The following SH3RF3 variants were observed in gnomAD, a reference collection of about 807,000 sequenced individuals.
SH3RF3 encodes the protein E3 ubiquitin-protein ligase SH3RF3.
A neutral mutation model predicts 66.3 loss-of-function variants in SH3RF3; 29 were observed. That is an observed-to-expected ratio of 0.44 (90% CI 0.33 to 0.60). The LOEUF is 0.60. Ranked by LOEUF, SH3RF3 falls within the 20% of genes least tolerant of loss-of-function variation. The pLI, the probability that SH3RF3 is intolerant of heterozygous loss-of-function variation, is 0.04. For synonymous variants in SH3RF3, 583 were observed against 532.0 expected, an observed-to-expected ratio of 1.10 and a Z score of -1.32; for missense variants, 1,194 against 1,190.9, an observed-to-expected ratio of 1.00 and a Z score of -0.04.
chr2:109,179,564 A>G (rs994244794), intron 1 of SH3RF3, among the ~76,000 whole-genome samples: 12 of 152,342 alleles, frequency 7.9e-5, no homozygotes, highest in African/African-American at 2.9e-4. Context: ...GGGAAGTCCA[A>G]GAACATGGTA....
intron 5 of SH3RF3, among the ~76,000 whole-genome samples, chr2:109,430,697 C>G (rs946517879): frequency 6.6e-6 from 1 of 152,246 alleles, no homozygotes; most frequent in Non-Finnish European, 1.5e-5. Context: ...GGAACAGAAT[C>G]ACACCCTGGT....
At chr2:109,160,450 G>A (rs1677462854) in intron 1 of SH3RF3, among the ~76,000 whole-genome samples, 1 of 152,256 alleles carries the variant, frequency 6.6e-6, no homozygotes, top group Non-Finnish European at 1.5e-5. Flanking sequence ...TCCAGCAACA[G>A]GGTGGACACT....
chr2:109,421,385 G>C (rs889311232), intron 5 of SH3RF3, among the ~76,000 whole-genome samples: 1 of 152,246 alleles, frequency 6.6e-6, no homozygotes, highest in Non-Finnish European at 1.5e-5. Context: ...CTTCCTGGGT[G>C]CAGAGGGCTC....
In SH3RF3 at chr2:109,392,872, C is replaced by G. The variant is rs558281257; in HGVS notation, c.946-5718C>G. Among the ~76,000 whole-genome samples the G allele has an allele frequency of 7.4e-4, 112 of 152,268 alleles. 1 individual carries two copies. The highest frequency in any genetic ancestry group is 2.6e-3 in the African/African-American group (110 of 41,566). Reference sequence around the variant, plus strand: ...AGAGTCCCTGGCTTTGGAAGCCTTTCTCCTTAAAGGCTCTTGGAATGTTCC... The same window carrying G: ...AGAGTCCCTGGCTTTGGAAGCCTTTGTCCTTAAAGGCTCTTGGAATGTTCC... On this transcript the variant is annotated intron_variant, in intron 3 of 9. Transcript: ENST00000309415.
chr2:109,456,993 G>T (rs1678077566), intron 8 of SH3RF3, among the ~76,000 whole-genome samples: 1 of 152,222 alleles, frequency 6.6e-6, no homozygotes, highest in Non-Finnish European at 1.5e-5. Context: ...GGATTAATCA[G>T]CATGGAGGGT....
At chr2:109,282,622 C>T (rs966842590) in intron 1 of SH3RF3, among the ~76,000 whole-genome samples, 2 of 152,216 alleles carry the variant, frequency 1.3e-5, no homozygotes, top group African/African-American at 2.4e-5. Context: ...CTCCACCTCT[C>T]GCCTCCGTGG....
intron 3 of SH3RF3, among the ~76,000 whole-genome samples, chr2:109,388,137 C>T (rs1212551879): frequency 6.6e-6 from 1 of 152,182 alleles, no homozygotes; most frequent in Admixed American, 6.5e-5. Flanking sequence ...CTCTCCATGA[C>T]CTTGAAATAC....
chr2:109,465,493 T>C (rs1206992791), intron 8 of SH3RF3, among the ~76,000 whole-genome samples: 1 of 152,232 alleles, frequency 6.6e-6, no homozygotes, highest in Non-Finnish European at 1.5e-5. Context: ...CAGCATTCAG[T>C]GTTGTCACTG....
At chr2:109,299,923 A>C (rs1681414635) in intron 1 of SH3RF3, among the ~76,000 whole-genome samples, 1 of 152,238 alleles carries the variant, frequency 6.6e-6, no homozygotes, top group Non-Finnish European at 1.5e-5. Flanking sequence ...GTGCAGAGCC[A>C]GCTCTTAGCA....
chr2:109,150,563 ACCC>A (rs1677204655), intron 1 of SH3RF3, among the ~76,000 whole-genome samples: 1 of 152,116 alleles, frequency 6.6e-6, no homozygotes, highest in South Asian at 2.1e-4. Context: ...TGCTATGATT[ACCC>A]CCATTGTGCA....
At chr2:109,200,358 C>T (rs187479996) in intron 1 of SH3RF3, among the ~76,000 whole-genome samples, 3 of 152,078 alleles carry the variant, frequency 2.0e-5, no homozygotes, top group Admixed American at 6.5e-5. Flanking sequence ...TAGGCTCCTT[C>T]GTGGGGTTGC....
chr2:109,327,574 A>G (rs915767580), intron 1 of SH3RF3, among the ~76,000 whole-genome samples: 3 of 152,218 alleles, frequency 2.0e-5, no homozygotes, highest in Non-Finnish European at 2.9e-5. Context: ...TTGGGAGAAA[A>G]TTACAGCTTT....
At chr2:109,222,298 T>G (rs559590270) in intron 1 of SH3RF3, among the ~76,000 whole-genome samples, 1 of 152,314 alleles carries the variant, frequency 6.6e-6, no homozygotes, top group South Asian at 2.1e-4. Flanking sequence ...GGTGATTAGT[T>G]AACAACAATT....
chr2:109,266,821 C>T (rs1469337781), intron 1 of SH3RF3, among the ~76,000 whole-genome samples: 1 of 152,102 alleles, frequency 6.6e-6, no homozygotes, highest in Non-Finnish European at 1.5e-5. Context: ...AGGGAGTCAC[C>T]TCATGTTATT....
intron 1 of SH3RF3, among the ~76,000 whole-genome samples, chr2:109,336,514 G>A (rs1168936349): frequency 1.3e-5 from 2 of 152,222 alleles, no homozygotes; most frequent in Non-Finnish European, 2.9e-5. Context: ...TCGCTGTGAG[G>A]CCCCGTGTAC....
intron 1 of SH3RF3, among the ~76,000 whole-genome samples, chr2:109,162,301 A>G (rs1016624033): frequency 2.6e-4 from 39 of 152,238 alleles, no homozygotes; most frequent in African/African-American, 9.2e-4. Context: ...GCGCTGGTGT[A>G]AATACAGCTA....
chr2:109,468,918 T>C (rs1471029303), intron 8 of SH3RF3, among the ~76,000 whole-genome samples: 1 of 147,822 alleles, frequency 6.8e-6, no homozygotes, highest in African/African-American at 2.5e-5. Flanking sequence ...TTTTCAACCC[T>C]CTACGGCTTT....
chr2:109,145,914 C>T (rs1044492335), intron 1 of SH3RF3, among the ~76,000 whole-genome samples: 1 of 152,148 alleles, frequency 6.6e-6, no homozygotes, highest in East Asian at 1.9e-4. Flanking sequence ...AGCCCTGGAG[C>T]CCGAATGCCT....
chr2:109,425,623 G>A (rs775296834), intron 5 of SH3RF3, among the ~76,000 whole-genome samples: 44 of 152,082 alleles, frequency 2.9e-4, no homozygotes, highest in South Asian at 1.5e-3. Context: ...GGACAACCAC[G>A]CCTGCATGAT....
Sources: allele counts gnomAD v4.1 joint callset (sites outside exome capture counted in the v4.1 genomes callset), GRCh38; gene constraint gnomAD v4.1.1; transcripts MANE v1.5; gene names NCBI Gene and HGNC (gene_info 2026-07-23, HGNC 2026-07-21).